The following GRK4 variants were observed in gnomAD, a reference collection of about 807,000 sequenced individuals.
GRK4 encodes G protein-coupled receptor kinase 4.
A neutral mutation model predicts 77.9 loss-of-function variants in GRK4; 73 were observed. That is an observed-to-expected ratio of 0.94 (90% CI 0.78 to 1.14). GRK4 has a LOEUF of 1.14. GRK4 is among the 50% of genes most tolerant of loss of function. The probability of loss-of-function intolerance (pLI) is 0.00; values close to 1 mark genes in which losing one functional copy is unlikely to be tolerated. For missense variants in GRK4, 729 were observed against 700.2 expected, an observed-to-expected ratio of 1.04 and a Z score of -0.46; for synonymous variants, 257 against 254.4, an observed-to-expected ratio of 1.01 and a Z score of -0.10.
intron 4 of GRK4, among the ~76,000 whole-genome samples, chr4:2,996,379 AC>A (rs1185343406): frequency 6.6e-6 from 1 of 152,036 alleles, no homozygotes; most frequent in Non-Finnish European, 1.5e-5. Flanking sequence ...AGATGGTGAA[AC>A]CCCGTCTCTA....
intron 13 of GRK4, among the ~76,000 whole-genome samples, chr4:3,036,067 T>A (rs1486971047): frequency 6.6e-6 from 1 of 152,218 alleles, no homozygotes; most frequent in Non-Finnish European, 1.5e-5. Context: ...GTGATCCTCC[T>A]GCCTTGACCT....
Position 2,992,212 on chromosome 4 carries a change from C to A in GRK4, c.262-3C>A, listed in dbSNP as rs778295203. 1.2e-6 allele frequency: 2 copies of A among 1,602,660 alleles called. No individual in the cohort carries two copies. The highest frequency in any genetic ancestry group is 1.7e-6 in the Non-Finnish European group (2 of 1,169,986). On this transcript the variant is annotated splice_polypyrimidine_tract_variant and splice_region_variant and intron_variant, in intron 3 of 15. Transcript: ENST00000398052. ...CTTTCTTTTCTTCCATCTCTCCAATCAGGCAGAATATGAAGTTGCCGATGA... is the reference window on the plus strand; with the variant it reads ...CTTTCTTTTCTTCCATCTCTCCAATAAGGCAGAATATGAAGTTGCCGATGA...
intron 4 of GRK4, among the ~76,000 whole-genome samples, chr4:2,993,580 A>T (rs530148960): frequency 2.0e-5 from 3 of 152,342 alleles, no homozygotes; most frequent in South Asian, 2.1e-4. Flanking sequence ...AGGCTGAAGC[A>T]TGAGAATCAC....
At chr4:2,997,014 G>T (rs1728154310) in intron 4 of GRK4, among the ~76,000 whole-genome samples, 1 of 152,096 alleles carries the variant, frequency 6.6e-6, no homozygotes, top group Admixed American at 6.5e-5. Flanking sequence ...GATGCCAGGA[G>T]TTGAAAAAAG....
intron 4 of GRK4, among the ~76,000 whole-genome samples, chr4:2,998,655 A>G (rs1368296186): frequency 6.6e-6 from 1 of 152,200 alleles, no homozygotes; most frequent in Non-Finnish European, 1.5e-5. Context: ...GAACGTAACA[A>G]CATAAGTGTA....
intron 3 of GRK4, among the ~76,000 whole-genome samples, chr4:2,991,863 G>A (rs918352538): frequency 6.6e-6 from 1 of 152,088 alleles, no homozygotes; most frequent in African/African-American, 2.4e-5. Context: ...AGTATTATGG[G>A]AAGTATTGCT....
chr4:3,008,164 G>A (rs919177646), intron 6 of GRK4, among the ~76,000 whole-genome samples: 1 of 152,176 alleles, frequency 6.6e-6, no homozygotes. Context: ...ATTTTCATAG[G>A]TATTAGTGTT....
rs192530347 is a variant in GRK4 at position 2,970,613 on chromosome 4, G to A, written c.52+6491G>A. 3.4e-3 allele frequency among the ~76,000 whole-genome samples: 511 copies of A among 151,052 alleles called. 1 individual carries two copies. Among genetic ancestry groups the A allele is most frequent in the African/African-American group, 0.011 (440 of 41,156 alleles). On this transcript the variant is annotated intron_variant, in intron 1 of 15. Coordinates refer to ENST00000398052, the MANE Select transcript of GRK4 (RefSeq NM_182982.3). ...GTGGAGGTTGCAGTGAGCCGAGATC[G>A]TGCCACTGCACTCCAACCTGGCGAC...
chr4:2,981,554 A>G (rs1457288464), intron 1 of GRK4, among the ~76,000 whole-genome samples: 4 of 152,176 alleles, frequency 2.6e-5, no homozygotes, highest in Non-Finnish European at 4.4e-5. Flanking sequence ...AAGGAGACCC[A>G]CAGTGGGTAG....
chr4:3,037,278 T>C (rs902365674), intron 13 of GRK4, 96 bp from the exon 14 acceptor site: 2 of 1,234,880 alleles, frequency 1.6e-6, no homozygotes, highest in Non-Finnish European at 2.3e-6. Flanking sequence ...TGGCGGTGTT[T>C]ATGCGTCAGT....
chr4:3,022,861 AT>A (rs903853306), intron 10 of GRK4, among the ~76,000 whole-genome samples: 1 of 151,692 alleles, frequency 6.6e-6, no homozygotes, highest in Non-Finnish European at 1.5e-5. Context: ...TAATTTTTAA[AT>A]TTTTTTTGTA....
chr4:3,015,920 T>A (rs1320308998), intron 8 of GRK4, among the ~76,000 whole-genome samples: 1 of 150,844 alleles, frequency 6.6e-6, no homozygotes, highest in African/African-American at 2.4e-5. Context: ...CTATTTTTTT[T>A]TTTTTTGATA....
intron 4 of GRK4, among the ~76,000 whole-genome samples, chr4:3,003,903 T>C (rs1730544272): frequency 6.6e-6 from 1 of 152,184 alleles, no homozygotes. Context: ...TTTGTATTTT[T>C]AGTAGAGACG....
intron 1 of GRK4, among the ~76,000 whole-genome samples, chr4:2,970,248 A>G (rs763530158): frequency 1.3e-5 from 2 of 152,168 alleles, no homozygotes; most frequent in African/African-American, 2.4e-5. Flanking sequence ...TACTTTGTCT[A>G]TCTAGATTAT....
intron 6 of GRK4, among the ~76,000 whole-genome samples, chr4:3,009,340 T>C (rs1198701978): frequency 1.4e-5 from 2 of 144,904 alleles, no homozygotes; most frequent in African/African-American, 5.2e-5. Context: ...GAAAATTGCC[T>C]CAATCCAGGA....
At chr4:2,986,992 T>A (rs759343032) in intron 2 of GRK4, 1 of 348,498 alleles carries the variant, frequency 2.9e-6, no homozygotes, top group African/African-American at 2.1e-5. Context: ...CTTATCCATT[T>A]AAAGTATATA....
At chr4:3,014,477 T>A (rs886316940) in intron 8 of GRK4, among the ~76,000 whole-genome samples, 2 of 151,880 alleles carry the variant, frequency 1.3e-5, no homozygotes, top group Admixed American at 6.6e-5. Context: ...TTAATTTTTT[T>A]ATTTTTATTC....
intron 9 of GRK4, among the ~76,000 whole-genome samples, chr4:3,020,896 A>C (rs1280804285): frequency 6.6e-6 from 1 of 152,238 alleles, no homozygotes; most frequent in East Asian, 1.9e-4. Context: ...AATATAGTAC[A>C]ATTATGATTT....
Position 3,013,845 on chromosome 4 carries a change from A to C in GRK4, c.741+17A>C, listed in dbSNP as rs1733633485. ...AGATTCGTAGTAAGTGTCTCCTCTT[A>C]GTCTTCACTGTGCATTGTTTGATTC... On this transcript the variant is annotated intron_variant, in intron 8 of 15. Transcript: ENST00000398052. The C allele has an allele frequency of 6.2e-7, 1 of 1,600,570 alleles. No individual in the cohort carries two copies. Among genetic ancestry groups the C allele is most frequent in the Admixed American group, 1.8e-5 (1 of 57,006 alleles).
Sources: gnomAD v4.1 joint callset for allele counts (sites outside exome capture counted in the v4.1 genomes callset) on GRCh38, gnomAD v4.1.1 for gene constraint, MANE v1.5 for transcripts, NCBI Gene and HGNC (gene_info 2026-07-23, HGNC 2026-07-21) for gene names.